Variants in SYNPO observed in about 807,000 individuals in gnomAD.
SYNPO encodes synaptopodin.
In SYNPO, 19 loss-of-function variants were observed where a neutral mutation model predicts 49.5. The ratio of observed to expected loss-of-function variants is 0.38; its 90% CI spans 0.27 to 0.56. SYNPO has a LOEUF of 0.56. SYNPO is among the 20% of genes least tolerant of loss of function. The pLI is 0.68. For synonymous variants in SYNPO, 536 were observed against 548.0 expected (o/e 0.98, Z 0.31); for missense variants, 1,131 against 1,248.3 (o/e 0.91, Z 1.42).
chr5:150,640,292 A>G (rs775682996), upstream of SYNPO, among the ~76,000 whole-genome samples: 2 of 152,192 alleles, frequency 1.3e-5, no homozygotes, highest in Non-Finnish European at 2.9e-5. Context: ...TGTAGAAAGG[A>G]TGTGAGACAG....
chr5:150,656,894 G>C lies in SYNPO; in HGVS notation c.2519G>C (p.Ser840Thr). 3 of 1,575,242 alleles carry C rather than the reference G, an allele frequency of 1.9e-6. No homozygotes were observed. The South Asian group carries it at 3.5e-5, about 18-fold the overall frequency. ...CCTTCGTCCTGCACCAGTCCCCGGA[G>C]CCCGCTGCCCGCGCCTCCCAGGCCC... ...AGPSSCTSPR[S>T]PLPAPPRPFL... The change falls in exon 3 of 3, where the codon AGC becomes ACC. Residue 840 changes from serine to threonine, a missense_variant. By Grantham distance (58) the Ser-to-Thr change is moderately conservative (BLOSUM62 1). Coordinates refer to ENST00000307662, the MANE Select transcript of SYNPO (RefSeq NM_007286.6).
chr5:150,615,568 C>T (rs1446251236), intron 1 of SYNPO, among the ~76,000 whole-genome samples: 1 of 152,242 alleles, frequency 6.6e-6, no homozygotes, highest in African/African-American at 2.4e-5. Context: ...CTGGCTCAGT[C>T]TCACCATGGT....
chr5:150,618,489 G>A, exon 2 of SYNPO: 1 of 1,551,534 alleles, frequency 6.4e-7, no homozygotes, highest in East Asian at 2.4e-5. Flanking sequence ...GAGGAGAGCA[G>A]CGGTGAGGAG....
rs1756536526 is a variant in SYNPO, at chr5:150,601,389, AGGCAGCGG to A, written c.-266+207_-266+214del. 4.6e-5 allele frequency among the ~76,000 whole-genome samples: 7 copies of A among 152,214 alleles called. 1 individual carries two copies. The South Asian group carries it at 1.2e-3, about 27-fold the overall frequency. On this transcript the variant is annotated intron_variant, in intron 1 of 2. Coordinates refer to the SYNPO transcript ENST00000394243. ...TTAACTGAAACCACATGTGTCTCCC[AGGCAGCGG>A]GGCAGAGACGCCGCCAAGCCTGGGG...
At chr5:150,628,744 A>C (rs1757444042) in intron 2 of SYNPO, among the ~76,000 whole-genome samples, 1 of 152,208 alleles carries the variant, frequency 6.6e-6, no homozygotes. Context: ...CCCCGTCTCT[A>C]CTAAAAATAC....
intron 2 of SYNPO, chr5:150,624,800 C>G: frequency 2.1e-6 from 2 of 955,568 alleles, no homozygotes; most frequent in Non-Finnish European, 2.5e-6. Context: ...GGGCCTGGCG[C>G]GGGGCGGGGG....
chr5:150,628,281 A>G (rs1378335060), intron 2 of SYNPO, among the ~76,000 whole-genome samples: 2 of 152,166 alleles, frequency 1.3e-5, no homozygotes, highest in Non-Finnish European at 2.9e-5. Context: ...GCAGGGTCGT[A>G]TAGTACTGTG....
the SYNPO span, among the ~76,000 whole-genome samples, chr5:150,595,234 A>C: frequency 5.9e-5 from 9 of 152,228 alleles, no homozygotes; most frequent in Non-Finnish European, 1.0e-4. Context: ...GATCGTAGAC[A>C]TTTAGCATGC....
the SYNPO span, among the ~76,000 whole-genome samples, chr5:150,586,631 G>A: frequency 0.5 from 76,556 of 151,714 alleles, 20,113 homozygotes; most frequent in African/African-American, 0.65. Flanking sequence ...GCAGAACTTT[G>A]GTTTGTTATT....
At chr5:150,587,785 T>G in the SYNPO span, among the ~76,000 whole-genome samples, 2 of 152,198 alleles carry the variant, frequency 1.3e-5, no homozygotes, top group African/African-American at 4.8e-5. Context: ...CACCACTGTG[T>G]GAAACAGCCT....
chr5:150,620,037 A>G (rs1414291764), intron 2 of SYNPO, among the ~76,000 whole-genome samples: 3 of 152,014 alleles, frequency 2.0e-5, no homozygotes, highest in African/African-American at 2.4e-5. Context: ...ACCTGCTCCC[A>G]TCCCTCTCAC....
At chr5:150,634,527 G>T (rs1269998174) in intron 2 of SYNPO, among the ~76,000 whole-genome samples, 1 of 152,174 alleles carries the variant, frequency 6.6e-6, no homozygotes, top group African/African-American at 2.4e-5. Flanking sequence ...GGATAGAAAA[G>T]GGGACATTTG....
Position 150,650,213 on chromosome 5 carries a change from C to T in SYNPO, c.1938C>T (p.Ser646=), listed in dbSNP as rs774950057. Residue 646 remains serine (S), a synonymous_variant, in exon 2 of 3, where the codon TCC becomes TCT. Coordinates refer to ENST00000307662, the MANE Select transcript of SYNPO (RefSeq NM_007286.6). ...GCCCTCCTTACGGCGGTGACATCTC[C>T]CCCGTGTCTCCCTCCAGGGCGTGGT... ...AVSPPYGGDI[S]PVSPSRAWSP... 1.9e-5 allele frequency: 31 copies of T among 1,613,836 alleles called. No individual in the cohort carries two copies. In the East Asian group the frequency reaches 3.8e-4, roughly 20 times the overall value.
chr5:150,624,018 C>A lies in SYNPO; in HGVS notation c.400+5251C>A, dbSNP rs76748188. On this transcript the variant is annotated intron_variant, in intron 2 of 2. Transcript: ENST00000394243. ...TATCTGGACTTTTAACAGCATCCCA[C>A]GTGACTCTGATGTACATGGCCACTG... Among the ~76,000 whole-genome samples the A allele has an allele frequency of 1.1e-3, 174 of 152,332 alleles. 4 individuals carry two copies. In the East Asian group the frequency reaches 0.029, roughly 26 times the overall value.
At chr5:150,646,606 T>C (rs576385823) in intron 1 of SYNPO, among the ~76,000 whole-genome samples, 2 of 151,982 alleles carry the variant, frequency 1.3e-5, no homozygotes, top group African/African-American at 4.8e-5. Context: ...ACATCTGTAG[T>C]CCCAGCTACT....
At chr5:150,624,856 G>A in intron 2 of SYNPO, 2 of 985,052 alleles carry the variant, frequency 2.0e-6, no homozygotes, top group Non-Finnish European at 2.4e-6. Flanking sequence ...GCGGCCAGGT[G>A]TGCCGAGGCG....
chr5:150,618,712 G>T, exon 2 of SYNPO: 2 of 1,551,274 alleles, frequency 1.3e-6, no homozygotes, highest in Non-Finnish European at 1.7e-6. Context: ...AGGCCGGGCA[G>T]ATGATGACAG....
the SYNPO span, among the ~76,000 whole-genome samples, chr5:150,594,889 G>A: frequency 1.3e-5 from 2 of 152,188 alleles, no homozygotes; most frequent in Admixed American, 1.3e-4. Context: ...TGCCCCAGAA[G>A]TTTGCAAGGG....
At chr5:150,636,508 C>A (rs758900027), upstream of SYNPO, among the ~76,000 whole-genome samples, 2 of 152,148 alleles carry the variant, frequency 1.3e-5, no homozygotes, top group African/African-American at 4.8e-5. Flanking sequence ...ACAGGACAGA[C>A]CCTGGAACCA....
Sources: allele counts gnomAD v4.1 joint callset (sites outside exome capture counted in the v4.1 genomes callset), GRCh38; gene constraint gnomAD v4.1.1; transcripts MANE v1.5; gene names NCBI Gene and HGNC (gene_info 2026-07-23, HGNC 2026-07-21).